AATF: variants seen among roughly 807,000 people sequenced by gnomAD.
The protein encoded by AATF is apoptosis antagonizing transcription factor, also known as protein AATF.
Under a neutral mutation model 63.7 loss-of-function variants are expected in AATF, and 48 were observed. The observed-to-expected ratio is 0.75, with a 90% CI of 0.60 to 0.96. The LOEUF is 0.96. Among genes scored for constraint, AATF ranks in the 40% least tolerant of loss-of-function variants. The pLI is 0.00. For missense variants in AATF, 639 were observed against 685.7 expected (o/e 0.93, Z 0.76); for synonymous variants, 258 against 247.7 (o/e 1.04, Z -0.39).
intron 11 of AATF, among the ~76,000 whole-genome samples, chr17:37,042,753 T>C (rs1414368981): frequency 1.3e-5 from 2 of 148,914 alleles, no homozygotes; most frequent in East Asian, 3.9e-4. Context: ...TTTTTTTTTT[T>C]CTTTTTGAGA....
At chr17:36,949,703 G>A (rs1203462487) in intron 1 of AATF, among the ~76,000 whole-genome samples, 1 of 152,244 alleles carries the variant, frequency 6.6e-6, no homozygotes, top group Non-Finnish European at 1.5e-5. Context: ...GCTGACGACT[G>A]AGACTCCTGT....
chr17:37,026,454 A>G (rs144303363), intron 10 of AATF, among the ~76,000 whole-genome samples: 354 of 152,328 alleles, frequency 2.3e-3, no homozygotes, highest in African/African-American at 8.1e-3. Context: ...CAGGTCAGGC[A>G]CTGCTAATCA....
chr17:37,032,463 AC>A (rs747667458), intron 11 of AATF, among the ~76,000 whole-genome samples: 4 of 152,216 alleles, frequency 2.6e-5, no homozygotes, highest in Non-Finnish European at 4.4e-5. Flanking sequence ...CTCATCTTAG[AC>A]TTTCCATCTT....
At chr17:36,992,552 CT>C (rs2071223824) in intron 8 of AATF, among the ~76,000 whole-genome samples, 1 of 150,746 alleles carries the variant, frequency 6.6e-6, no homozygotes, top group Non-Finnish European at 1.5e-5. Flanking sequence ...ATTAAATAGG[CT>C]TAATAAAATA....
At chr17:36,953,337 T>A (rs767110420) in intron 3 of AATF, 41 bp downstream of exon 3, 1 of 1,582,938 alleles carries the variant, frequency 6.3e-7, no homozygotes, top group South Asian at 1.1e-5. Context: ...TTTCAAAGTA[T>A]CTGCATTTGG....
chr17:37,050,138 C>T (rs1017716159), intron 11 of AATF, among the ~76,000 whole-genome samples: 2 of 151,990 alleles, frequency 1.3e-5, no homozygotes, highest in African/African-American at 4.8e-5. Flanking sequence ...GAATAGTAGT[C>T]AGCCTTACTT....
chr17:36,990,388 A>G (rs983152921), intron 7 of AATF, among the ~76,000 whole-genome samples: 3 of 152,186 alleles, frequency 2.0e-5, no homozygotes, highest in Non-Finnish European at 2.9e-5. Context: ...ATGTGTTCGT[A>G]TAAATATATG....
chr17:36,954,463 G>T (rs4408589), intron 4 of AATF, among the ~76,000 whole-genome samples: 1 of 152,330 alleles, frequency 6.6e-6, no homozygotes, highest in Middle Eastern at 3.4e-3. Context: ...GTCTAATTCA[G>T]CTCATTAAAC....
At chr17:36,987,924 C>T (rs921185372) in intron 5 of AATF, among the ~76,000 whole-genome samples, 2 of 152,362 alleles carry the variant, frequency 1.3e-5, no homozygotes, top group South Asian at 2.1e-4. Flanking sequence ...GGTTCATACA[C>T]ATTTCTAATA....
chr17:37,053,291 T>C (rs1283253518), intron 11 of AATF, among the ~76,000 whole-genome samples: 1 of 151,868 alleles, frequency 6.6e-6, no homozygotes, highest in East Asian at 1.9e-4. Flanking sequence ...TAGGATATAT[T>C]ATATCATATT....
At chr17:37,043,870 G>A (rs943460265) in intron 11 of AATF, among the ~76,000 whole-genome samples, 3 of 151,990 alleles carry the variant, frequency 2.0e-5, no homozygotes, top group African/African-American at 7.3e-5. Context: ...AGAATAAAAT[G>A]TTCTTTTTAA....
At chr17:37,018,895 T>G in intron 8 of AATF, 110 bp from the exon 9 acceptor site, 1 of 832,700 alleles carries the variant, frequency 1.2e-6, no homozygotes, top group Non-Finnish European at 2.1e-6. Flanking sequence ...CCCTTATTGA[T>G]TGTAGTTTTA....
intron 10 of AATF, among the ~76,000 whole-genome samples, chr17:37,028,479 C>G (rs1053222924): frequency 2.0e-5 from 3 of 151,916 alleles, no homozygotes; most frequent in African/African-American, 7.3e-5. Context: ...ACATAGAGGC[C>G]TTTTTTATAA....
rs1255450672 is a variant in AATF, at chr17:36,952,888, G to A, written c.286G>A (p.Glu96Lys). The change falls in exon 3 of 12, where the codon GAG becomes AAG. Residue 96 changes from glutamate to lysine, a missense_variant and splice_region_variant. Physicochemically the swap from Glu to Lys is moderately conservative, Grantham distance 56. Transcript: ENST00000619387. Reference protein sequence around the residue: ...WEQTLPGSSDEEISDEEGSGD... With the variant: ...WEQTLPGSSDKEISDEEGSGD... ...TTTCTTCCCTCTCTTCTTTGTAGAT[G>A]AGGAAATATCTGATGAGGAAGGGTC... 1.2e-6 allele frequency: 2 copies of A among 1,610,082 alleles called. No homozygotes were observed. The highest frequency in any genetic ancestry group is 2.2e-5 in the South Asian group (2 of 90,976).
At chr17:37,008,889 A>G (rs556382298) in intron 8 of AATF, among the ~76,000 whole-genome samples, 2 of 152,298 alleles carry the variant, frequency 1.3e-5, no homozygotes, top group African/African-American at 2.4e-5. Context: ...TCAGACCTTT[A>G]TTACAAAGAT....
intron 11 of AATF, among the ~76,000 whole-genome samples, chr17:37,040,139 G>A (rs2071625318): frequency 6.7e-6 from 1 of 148,190 alleles, no homozygotes; most frequent in Admixed American, 6.6e-5. Flanking sequence ...ATATCTTACA[G>A]ATATTGTATT....
intron 8 of AATF, among the ~76,000 whole-genome samples, chr17:36,995,571 T>G (rs1337828521): frequency 6.6e-6 from 1 of 152,170 alleles, no homozygotes; most frequent in East Asian, 1.9e-4. Flanking sequence ...TTATTTTGTT[T>G]GTTTGTTTGT....
At chr17:36,977,154 C>G (rs543159622) in intron 4 of AATF, among the ~76,000 whole-genome samples, 1 of 152,280 alleles carries the variant, frequency 6.6e-6, no homozygotes, top group East Asian at 1.9e-4. Flanking sequence ...CATATTCTGC[C>G]ATGCGACTTA....
chr17:37,018,581 C>G (rs945718783), intron 8 of AATF, among the ~76,000 whole-genome samples: 5 of 152,320 alleles, frequency 3.3e-5, no homozygotes, highest in African/African-American at 1.2e-4. Flanking sequence ...GGTTATAGTT[C>G]AGAAGTTAAC....
Sources: gnomAD v4.1 joint callset for allele counts (sites outside exome capture counted in the v4.1 genomes callset) on GRCh38, gnomAD v4.1.1 for gene constraint, MANE v1.5 for transcripts, NCBI Gene and HGNC (gene_info 2026-07-23, HGNC 2026-07-21) for gene names.